Variants in VAV3 observed in about 807,000 individuals in gnomAD.
The protein encoded by VAV3 is guanine nucleotide exchange factor VAV3.
Under a neutral mutation model 131.2 loss-of-function variants are expected in VAV3, and 94 were observed. The observed-to-expected ratio is 0.72, with a 90% CI of 0.61 to 0.85. The LOEUF (loss-of-function observed/expected upper bound fraction) is 0.85. VAV3 is among the 40% of genes least tolerant of loss of function. VAV3 has a pLI of 0.00. For synonymous variants in VAV3, 349 were observed against 342.0 expected, an observed-to-expected ratio of 1.02 and a Z score of -0.22; for missense variants, 939 against 1,002.7, an observed-to-expected ratio of 0.94 and a Z score of 0.86.
chr1:107,914,944 A>C (rs1010224733), intron 1 of VAV3, among the ~76,000 whole-genome samples: 1 of 152,214 alleles, frequency 6.6e-6, no homozygotes, highest in South Asian at 2.1e-4. Flanking sequence ...CTTACTTTGA[A>C]AACTAAAGGG....
At chr1:107,796,634 C>G (rs1385106532) in intron 2 of VAV3, among the ~76,000 whole-genome samples, 1 of 151,702 alleles carries the variant, frequency 6.6e-6, no homozygotes. Flanking sequence ...TGTTTGGGGC[C>G]TAAATAAGGA....
chr1:107,751,716 C>T (rs1663740497), intron 12 of VAV3, among the ~76,000 whole-genome samples: 1 of 152,106 alleles, frequency 6.6e-6, no homozygotes, highest in Admixed American at 6.5e-5. Context: ...TCCAGGCTGG[C>T]TTTCTTGAGC....
chr1:107,742,169 ACTCT>A (rs369877709), intron 15 of VAV3, among the ~76,000 whole-genome samples: 173 of 150,808 alleles, frequency 1.1e-3, no homozygotes, highest in African/African-American at 4.0e-3. Context: ...TACAGGAAAA[ACTCT>A]CTCCTCCAAA....
chr1:107,749,477 A>G lies in VAV3; in HGVS notation c.1377T>C (p.Asp459=), dbSNP rs781060592. ...AAAAAGTCACCTTTTTGTTTTCTTT[A>G]TCGGTTGTAGGATTATTGGCTATCT... is the stretch of plus-strand genomic sequence containing the variant. The part of the protein sequence containing the change: ...QYKIANNPTT[D]KENKKWSYGF... The change falls in exon 14 of 27, where the codon GAT becomes GAC. Residue 459 remains aspartate (D), a synonymous_variant. Coordinates refer to ENST00000370056, the MANE Select transcript of VAV3 (RefSeq NM_006113.5). 8.2e-6 allele frequency: 13 copies of G among 1,591,020 alleles called. No individual in the cohort carries two copies. Among genetic ancestry groups the G allele is most frequent in the Non-Finnish European group, 1.1e-5 (13 of 1,174,422 alleles).
At chr1:107,582,669 T>A (rs1451357543) in intron 25 of VAV3, among the ~76,000 whole-genome samples, 1 of 151,132 alleles carries the variant, frequency 6.6e-6, no homozygotes, top group Non-Finnish European at 1.5e-5. Context: ...GGTGTTTGGT[T>A]TTTTGTTCTC....
chr1:107,865,228 G>C (rs1669928030), intron 2 of VAV3, among the ~76,000 whole-genome samples: 1 of 152,152 alleles, frequency 6.6e-6, no homozygotes, highest in South Asian at 2.1e-4. Flanking sequence ...ATGTGTCAAG[G>C]TCCAATTTCT....
At chr1:107,782,664 A>C (rs1385509544) in intron 2 of VAV3, among the ~76,000 whole-genome samples, 2 of 152,218 alleles carry the variant, frequency 1.3e-5, no homozygotes, top group East Asian at 3.8e-4. Flanking sequence ...CCATCCGTTA[A>C]CTCTAAGTTT....
intron 15 of VAV3, among the ~76,000 whole-genome samples, chr1:107,729,788 T>A (rs1402765866): frequency 1.3e-5 from 2 of 152,230 alleles, no homozygotes; most frequent in Admixed American, 6.5e-5. Context: ...AAGGAAAGAT[T>A]GGAAAAATAA....
chr1:107,701,595 T>G (rs1660136007), intron 17 of VAV3, among the ~76,000 whole-genome samples: 1 of 152,220 alleles, frequency 6.6e-6, no homozygotes, highest in Non-Finnish European at 1.5e-5. Flanking sequence ...GCAGCAAGCT[T>G]GAAATTCTCC....
chr1:107,576,175 G>A (rs1304626982), intron 25 of VAV3, among the ~76,000 whole-genome samples: 1 of 151,898 alleles, frequency 6.6e-6, no homozygotes, highest in Non-Finnish European at 1.5e-5. Context: ...ATTATAGAAT[G>A]TCTCATGGCA....
In VAV3 at chr1:107,964,713, G is replaced by A; in HGVS notation, c.157C>T (p.His53Tyr). 1 of 1,614,124 alleles carries A rather than the reference G, an allele frequency of 6.2e-7. No homozygotes were observed. Among genetic ancestry groups the A allele is most frequent in the South Asian group, 1.1e-5 (1 of 91,070 alleles). ...LCQLLNNLRA[H>Y]SINLKEINLR... ...TTGATCTCCTTCAGGTTGATGGAGT[G>A]CGCCCGGAGGTTGTTAAGCAGCTGG... Residue 53 changes from histidine (H) to tyrosine (Y), a missense_variant, in exon 1 of 27, where the codon CAC (histidine) becomes TAC (tyrosine). Transcript: ENST00000370056.
intron 15 of VAV3, among the ~76,000 whole-genome samples, chr1:107,735,837 C>G (rs1437792221): frequency 6.6e-6 from 1 of 152,066 alleles, no homozygotes; most frequent in Non-Finnish European, 1.5e-5. Context: ...AGAGGGAATC[C>G]TCCCTAACTC....
intron 1 of VAV3, among the ~76,000 whole-genome samples, chr1:107,959,786 G>A (rs1005374592): frequency 5.3e-5 from 8 of 152,106 alleles, no homozygotes; most frequent in African/African-American, 1.2e-4. Context: ...CTTGCTCGGC[G>A]TACCCATCTA....
At chr1:107,618,213 G>A (rs1449111385) in intron 20 of VAV3, among the ~76,000 whole-genome samples, 1 of 152,094 alleles carries the variant, frequency 6.6e-6, no homozygotes, top group Non-Finnish European at 1.5e-5. Context: ...ACAGTCTGGG[G>A]GTTGGGGACA....
chr1:107,746,709 T>C (rs1334971048), intron 15 of VAV3, among the ~76,000 whole-genome samples: 7 of 152,164 alleles, frequency 4.6e-5, no homozygotes, highest in Non-Finnish European at 8.8e-5. Flanking sequence ...GTCAGTATTA[T>C]GTAACAGAAG....
At chr1:107,720,727 T>C (rs1661445496) in intron 15 of VAV3, among the ~76,000 whole-genome samples, 1 of 152,126 alleles carries the variant, frequency 6.6e-6, no homozygotes, top group African/African-American at 2.4e-5. Flanking sequence ...CAGTGGGACT[T>C]ACAGGTTATG....
intron 1 of VAV3, among the ~76,000 whole-genome samples, chr1:107,926,504 TG>T (rs1650554834): frequency 6.6e-6 from 1 of 152,104 alleles, no homozygotes; most frequent in African/African-American, 2.4e-5. Flanking sequence ...TCACAGTACC[TG>T]GTTTTAACTT....
Position 107,964,541 on chromosome 1 carries a change from A to C in VAV3, c.204+125T>G, listed in dbSNP as rs1184342592. 2.7e-6 allele frequency: 3 copies of C among 1,102,784 alleles called. No homozygotes were observed. In the Admixed American group the frequency reaches 7.7e-5, roughly 28 times the overall value. 68.3% of individuals were successfully genotyped at this position (1,102,784 alleles called of 1,614,324 possible). A position where few individuals can be genotyped will look rare whatever the true frequency, so the allele number is the denominator to read the frequency against. On this transcript the variant is annotated intron_variant, in intron 1 of 26. Coordinates refer to ENST00000370056, the MANE Select transcript of VAV3 (RefSeq NM_006113.5). ...CAAAGTGGTGCCGAAGTGGTCCCAAAGCAGAAGGCTGGGAAGCAGGGCAAG... is the reference window on the plus strand; with the variant it reads ...CAAAGTGGTGCCGAAGTGGTCCCAACGCAGAAGGCTGGGAAGCAGGGCAAG...
chr1:107,896,726 G>A (rs1671598951), intron 1 of VAV3, among the ~76,000 whole-genome samples: 1 of 151,680 alleles, frequency 6.6e-6, no homozygotes, highest in South Asian at 2.1e-4. Context: ...TATTAATCAG[G>A]GATATAATCT....
Sources: gnomAD v4.1 joint callset for allele counts (sites outside exome capture counted in the v4.1 genomes callset) on GRCh38, gnomAD v4.1.1 for gene constraint, MANE v1.5 for transcripts, NCBI Gene and HGNC (gene_info 2026-07-23, HGNC 2026-07-21) for gene names.